SLC7A6: variants seen among roughly 807,000 people sequenced by gnomAD.
SLC7A6 encodes the protein Y+L amino acid transporter 2.
SLC7A6 carries 29 observed loss-of-function variants against 46.6 expected under a neutral mutation model. The observed-to-expected ratio is 0.62, with a 90% CI of 0.46 to 0.85. The LOEUF (loss-of-function observed/expected upper bound fraction) is 0.85, where lower values mean the gene tolerates loss of function less well. Among genes scored for constraint, SLC7A6 ranks in the 40% least tolerant of loss-of-function variants. SLC7A6 has a pLI of 0.00. For synonymous variants in SLC7A6, 276 were observed against 257.3 expected (o/e 1.07, Z -0.70); for missense variants, 527 against 647.6 (o/e 0.81, Z 2.02).
chr16:68,291,308 C>A lies in SLC7A6; in HGVS notation c.894C>A (p.Val298=), dbSNP rs770866847. ...AYYTVLNISD[V]LSSDAVAVTF... Reference sequence around the variant, plus strand: ...ACACAGTGCTGAACATTTCAGATGTCCTTAGCAGTGATGCTGTGGCTGTGG... The same window carrying A: ...ACACAGTGCTGAACATTTCAGATGTACTTAGCAGTGATGCTGTGGCTGTGG... Residue 298 remains valine, a synonymous_variant, in exon 6 of 11, where the codon GTC becomes GTA. Transcript: ENST00000219343. 4 of 1,614,036 alleles carry A rather than the reference C, an allele frequency of 2.5e-6. No homozygotes were observed. Among genetic ancestry groups the A allele is most frequent in the Non-Finnish European group, 3.4e-6 (4 of 1,180,022 alleles).
rs2043024949 is a variant in SLC7A6, at chr16:68,290,417, A to C, written c.671A>C (p.Asp224Ala). 2 of 1,613,754 alleles carry C rather than the reference A, an allele frequency of 1.2e-6. No homozygotes were observed. Among genetic ancestry groups the C allele is most frequent in the Admixed American group, 1.7e-5 (1 of 59,982 alleles). Residue 224 changes from aspartate (D) to alanine (A), a missense_variant, in exon 5 of 11, where the codon GAC (aspartate) becomes GCC (alanine). Asp to Ala is a moderately radical substitution (Grantham distance 126, BLOSUM62 -2). Coordinates refer to ENST00000219343, the MANE Select transcript of SLC7A6 (RefSeq NM_003983.6). ...ACAGGACACTCTGAGCACTTTCAGG[A>C]CGCCTTTGAGGGTTCCTCCTGGGAC... ...LCQGHSEHFQ[D>A]AFEGSSWDMG...
At chr16:68,296,102 T>C (rs924411764) in intron 8 of SLC7A6, among the ~76,000 whole-genome samples, 4 of 152,032 alleles carry the variant, frequency 2.6e-5, no homozygotes, top group African/African-American at 7.3e-5. Context: ...GCGTCTGCCT[T>C]TTTCTAAAGT....
intron 3 of SLC7A6, among the ~76,000 whole-genome samples, chr16:68,280,568 C>T (rs1039494221): frequency 6.6e-6 from 1 of 150,944 alleles, no homozygotes; most frequent in Admixed American, 6.6e-5. Context: ...AGCTGGATTT[C>T]AGTAGTCGTA....
chr16:68,278,932 C>T (rs973360889), intron 3 of SLC7A6, among the ~76,000 whole-genome samples: 10 of 151,844 alleles, frequency 6.6e-5, no homozygotes, highest in Admixed American at 2.6e-4. Flanking sequence ...GGCTGCCGGG[C>T]GGAGGCGCCC....
rs557353588 is a variant in SLC7A6, at chr16:68,298,208, C to T, written c.*880C>T. The T allele has an allele frequency of 6.5e-6, 1 of 152,740 alleles. No individual in the cohort carries two copies. Among genetic ancestry groups the T allele is most frequent in the East Asian group, 1.9e-4 (1 of 5,184 alleles). The allele number at this position is 152,740 out of a possible 1,614,324, so 9.5% of individuals were successfully genotyped here. ...GGACAATCCTTTATTTTACTTGAGA[C>T]CTTACATCTTTGTTCTAGCTGACAG... On this transcript the variant is annotated 3_prime_UTR_variant, in exon 11 of 11. Transcript: ENST00000219343.
At chr16:68,271,257 T>C (rs1459031415) in intron 2 of SLC7A6, among the ~76,000 whole-genome samples, 1 of 152,172 alleles carries the variant, frequency 6.6e-6, no homozygotes, top group Non-Finnish European at 1.5e-5. Context: ...TCTCCCAAAA[T>C]ACTAGGATTA....
chr16:68,287,545 G>A (rs894610945), intron 3 of SLC7A6: 2 of 1,440,430 alleles, frequency 1.4e-6, no homozygotes, highest in African/African-American at 1.4e-5. Flanking sequence ...TTGAGCACCA[G>A]TAGTGATGGA....
At position 68,290,782 on chromosome 16, in the gene SLC7A6, C is replaced by T. The variant is rs915501462; in HGVS notation, c.794+242C>T. 3 of 537,646 alleles carry T rather than the reference C, an allele frequency of 5.6e-6. No homozygotes were observed. The African/African-American group carries it at 5.7e-5, about 10-fold the overall frequency. 33.3% of individuals were successfully genotyped at this position (537,646 alleles called of 1,614,324 possible). ...GGGCCTTCCTAGAGGAGAGGGCCTT[C>T]AGTGGGGAGCAGCAGGCCCAGCTGG... On this transcript the variant is annotated intron_variant, in intron 5 of 10. Transcript: ENST00000219343.
intron 2 of SLC7A6, among the ~76,000 whole-genome samples, chr16:68,274,383 A>G (rs1346237739): frequency 6.6e-6 from 1 of 152,204 alleles, no homozygotes; most frequent in East Asian, 1.9e-4. Flanking sequence ...AGAAATCTAT[A>G]ACTCAAGGAG....
Position 68,287,816 on chromosome 16 carries a change from C to T in SLC7A6, c.594C>T (p.Ala198=). 6.2e-7 allele frequency: 1 copy of T among 1,614,210 alleles called. No homozygotes were observed. Among genetic ancestry groups the T allele is most frequent in the Non-Finnish European group, 8.5e-7 (1 of 1,180,032 alleles). ...GTGTGCAGGACACGTTCACTTACGCCAAGGTCGTAGCGCTCATTGCCATCA... is the reference window on the plus strand; with the variant it reads ...GTGTGCAGGACACGTTCACTTACGCTAAGGTCGTAGCGCTCATTGCCATCA... ...GTRVQDTFTY[A]KVVALIAIIV... is the part of the protein sequence containing the mutation. Residue 198 remains alanine, a synonymous_variant, in exon 4 of 11, where the codon GCC becomes GCT. Transcript: ENST00000219343.
At position 68,298,373 on chromosome 16, in the gene SLC7A6, G is replaced by GT. The variant is rs1259904499; in HGVS notation, c.*1046dup. 4 of 152,620 alleles carry GT rather than the reference G, an allele frequency of 2.6e-5. No individual in the cohort carries two copies. Among genetic ancestry groups the GT allele is most frequent in the Non-Finnish European group, 4.4e-5 (3 of 68,064 alleles). 9.5% of individuals were successfully genotyped at this position (152,620 alleles called of 1,614,324 possible). ...GTCATCAAATAACCTGTTCCTCTCT[G>GT]TAAGGGCAGTGTGAGGGACTGCTGT... On this transcript the variant is annotated 3_prime_UTR_variant, in exon 11 of 11. Transcript: ENST00000219343.
chr16:68,274,908 C>T lies in SLC7A6; in HGVS notation c.182C>T (p.Ser61Leu). 1 of 1,614,198 alleles carries T rather than the reference C, an allele frequency of 6.2e-7. No individual in the cohort carries two copies. The highest frequency in any genetic ancestry group is 8.5e-7 in the Non-Finnish European group (1 of 1,180,034). ...CTGGTGGTGGGCAACATGATCGGCT[C>T]AGGGATCTTTGTCTCACCCAAGGGT... is the stretch of plus-strand genomic sequence containing the variant. ...VSLVVGNMIGSGIFVSPKGVL... is the reference protein window; with the variant it reads ...VSLVVGNMIGLGIFVSPKGVL... The change falls in exon 3 of 11, where the codon TCA (serine) becomes TTA (leucine). Residue 61 changes from serine to leucine, a missense_variant. Ser to Leu is a moderately radical substitution (Grantham distance 145, BLOSUM62 -2). Coordinates refer to ENST00000219343, the MANE Select transcript of SLC7A6 (RefSeq NM_003983.6).
intron 1 of SLC7A6, among the ~76,000 whole-genome samples, chr16:68,266,057 G>T (rs1262712201): frequency 6.6e-6 from 1 of 151,982 alleles, no homozygotes; most frequent in Admixed American, 6.6e-5. Flanking sequence ...TCAGGAGATC[G>T]AGACCATCCT....
rs749953358 is a variant in SLC7A6 at position 68,301,243 on chromosome 16, T to C, written c.*3915T>C. On this transcript the variant is annotated 3_prime_UTR_variant, in exon 11 of 11. Coordinates refer to ENST00000219343, the MANE Select transcript of SLC7A6 (RefSeq NM_003983.6). ...TCTGGACTCAGAGCCCTCAAGGGCA[T>C]GTGGCAGAACCTCATGGACATCACA... 6.9e-6 allele frequency: 11 copies of C among 1,605,570 alleles called. No homozygotes were observed. The highest frequency in any genetic ancestry group is 4.0e-5 in the African/African-American group (3 of 74,610).
At chr16:68,265,792 G>A (rs1442451126) in intron 1 of SLC7A6, 1 of 152,088 alleles carries the variant, frequency 6.6e-6, no homozygotes, top group African/African-American at 2.4e-5. Context: ...AAAACCACCA[G>A]CCTGATTTTC....
chr16:68,287,833 T>C lies in SLC7A6; in HGVS notation c.611T>C (p.Ile204Thr), dbSNP rs199757376. The stretch of plus-strand genomic sequence containing the variant: ...ACTTACGCCAAGGTCGTAGCGCTCA[T>C]TGCCATCATTGTCATGGGCCTTGTT... ...TFTYAKVVAL[I>T]AIIVMGLVKL... The change falls in exon 4 of 11, where the codon ATT becomes ACT. Residue 204 changes from isoleucine to threonine, a missense_variant. Coordinates refer to ENST00000219343, the MANE Select transcript of SLC7A6 (RefSeq NM_003983.6). 28 of 1,614,192 alleles carry C rather than the reference T, an allele frequency of 1.7e-5. No homozygotes were observed. Among genetic ancestry groups the C allele is most frequent in the Non-Finnish European group, 1.9e-5 (23 of 1,180,028 alleles).
intron 5 of SLC7A6, chr16:68,290,942 C>T (rs899126432): frequency 1.6e-5 from 8 of 505,316 alleles, no homozygotes; most frequent in African/African-American, 1.5e-4. Flanking sequence ...CCTCTGAGAT[C>T]ACAGATGCAG....
Position 68,297,399 on chromosome 16 carries a change from G to A in SLC7A6, c.*71G>A. The A allele has an allele frequency of 7.8e-7, 1 of 1,283,804 alleles. No individual in the cohort carries two copies. Among genetic ancestry groups the A allele is most frequent in the South Asian group, 1.2e-5 (1 of 80,428 alleles). The allele number at this position is 1,283,804 out of a possible 1,614,324, so 79.5% of individuals were successfully genotyped here. A position where few individuals can be genotyped will look rare whatever the true frequency, so the allele number is the denominator to read the frequency against. ...AAAATCCTGATAACAAGACTCTGTG[G>A]GCCCAACTCTCCTGAATTAAAGGAG... On this transcript the variant is annotated 3_prime_UTR_variant, in exon 11 of 11. Coordinates refer to ENST00000219343, the MANE Select transcript of SLC7A6 (RefSeq NM_003983.6).
At chr16:68,270,670 G>A (rs2042609446) in intron 2 of SLC7A6, among the ~76,000 whole-genome samples, 1 of 152,150 alleles carries the variant, frequency 6.6e-6, no homozygotes, top group Non-Finnish European at 1.5e-5. Flanking sequence ...ACTGCCACAG[G>A]TGAGCCAGAC....
Sources: allele counts gnomAD v4.1 joint callset (sites outside exome capture counted in the v4.1 genomes callset), GRCh38; gene constraint gnomAD v4.1.1; transcripts MANE v1.5; gene names NCBI Gene and HGNC (gene_info 2026-07-23, HGNC 2026-07-21).